HMCN1: variants seen among roughly 807,000 people sequenced by gnomAD.
HMCN1 encodes hemicentin 1, also known as hemicentin-1.
HMCN1 carries 321 observed loss-of-function variants against 625.9 expected under a neutral mutation model. That is an observed-to-expected ratio of 0.51 (90% confidence interval 0.47 to 0.56). The LOEUF (loss-of-function observed/expected upper bound fraction) is 0.56. Ranked by LOEUF, HMCN1 falls within the 20% of genes least tolerant of loss-of-function variation. The pLI is 0.00. For missense variants in HMCN1, 6,588 were observed against 6,887.3 expected, an observed-to-expected ratio of 0.96 and a Z score of 1.54; for synonymous variants, 2,425 against 2,417.6, an observed-to-expected ratio of 1.00 and a Z score of -0.09.
At position 186,123,159 on chromosome 1, in the gene HMCN1, C is replaced by A. The variant is rs1447501211; in HGVS notation, c.12438C>A (p.Tyr4146Ter). The A allele has an allele frequency of 6.2e-7, 1 of 1,614,022 alleles. No individual in the cohort carries two copies. Among genetic ancestry groups the A allele is most frequent in the Non-Finnish European group, 8.5e-7 (1 of 1,179,970 alleles). Residue 4146 changes from tyrosine (Y) to a stop codon, truncating the protein, a stop_gained, in exon 81 of 107, where the codon TAC becomes TAA. Coordinates refer to ENST00000271588, the MANE Select transcript of HMCN1 (RefSeq NM_031935.3). LOFTEE classifies it high-confidence loss of function. ...AFVQPGDAGH[Y>*]TCMAANVAGS... ...TCCAGCCTGGTGATGCTGGCCATTA[C>A]ACGTGCATGGCAGCCAATGTAGCAG...
Position 186,133,890 on chromosome 1 carries a change from C to A in HMCN1, c.13312+1481C>A, listed in dbSNP as rs1332184914. Among the ~76,000 whole-genome samples the A allele has an allele frequency of 2.2e-5, 3 of 134,730 alleles. No individual in the cohort carries two copies. In the East Asian group the frequency reaches 8.5e-4, roughly 38 times the overall value. 88.4% of individuals were successfully genotyped at this position (134,730 alleles called of 152,430 possible). On this transcript the variant is annotated intron_variant, in intron 86 of 106. Coordinates refer to ENST00000271588, the MANE Select transcript of HMCN1 (RefSeq NM_031935.3). ...TACTATGTGCTCAGCCCTCCTTAGG[C>A]ATACCAAATTTCTTTACTGCAGATT...
chr1:186,015,345 C>A lies in HMCN1; in HGVS notation c.4817C>A (p.Pro1606His). Residue 1606 changes from proline to histidine, a missense_variant, in exon 31 of 107, where the codon CCT becomes CAT. Physicochemically the swap from Pro to His is moderately conservative, Grantham distance 77. Transcript: ENST00000271588. ...YIDKGQYLHI[P>H]RAQVSDSATY... The stretch of plus-strand genomic sequence containing the variant: ...GATAAAGGACAATATCTTCATATTC[C>A]TCGAGCACAGGTCTCTGATTCAGCA... The A allele has an allele frequency of 6.2e-7, 1 of 1,613,718 alleles. No homozygotes were observed. The highest frequency in any genetic ancestry group is 8.5e-7 in the Non-Finnish European group (1 of 1,179,770).
chr1:185,854,235 C>T (rs1474429165), intron 2 of HMCN1, among the ~76,000 whole-genome samples: 2 of 152,150 alleles, frequency 1.3e-5, no homozygotes, highest in Non-Finnish European at 2.9e-5. Flanking sequence ...AATTTTTTCT[C>T]TATCCAAACT....
At chr1:186,094,137 T>A (rs1445311946) in intron 66 of HMCN1, 139 bp from the exon 67 acceptor site, 1 of 731,598 alleles carries the variant, frequency 1.4e-6, no homozygotes, top group African/African-American at 1.8e-5. Context: ...CTATATTTTG[T>A]GATGGATGGC....
chr1:186,014,322 A>G (rs553420127), intron 30 of HMCN1, among the ~76,000 whole-genome samples: 2 of 151,048 alleles, frequency 1.3e-5, no homozygotes, highest in African/African-American at 4.8e-5. Flanking sequence ...ATAAGATTAT[A>G]TATATATATA....
chr1:185,883,878 GATTT>G (rs1359066247), intron 4 of HMCN1, among the ~76,000 whole-genome samples: 5 of 93,692 alleles, frequency 5.3e-5, no homozygotes, highest in African/African-American at 2.2e-4. Context: ...TATAGGTCAT[GATTT>G]TTTTTTTTTT....
chr1:185,984,137 T>C, intron 18 of HMCN1, 32 bp from the exon 19 acceptor site: 1 of 1,594,370 alleles, frequency 6.3e-7, no homozygotes, highest in Non-Finnish European at 8.6e-7. Flanking sequence ...CCTTTCTTTT[T>C]AAATAAAAAT....
rs74134304 is a variant in HMCN1, at chr1:185,862,411, G to A, written c.340-2059G>A. On this transcript the variant is annotated intron_variant, in intron 2 of 106. Transcript: ENST00000271588. ...TATGGAAGTCGAATGAATGACCACTGATTAGATGAAAGAAGAAGGAGGAGT... is the reference window on the plus strand; with the variant it reads ...TATGGAAGTCGAATGAATGACCACTAATTAGATGAAAGAAGAAGGAGGAGT... 7.2e-3 allele frequency among the ~76,000 whole-genome samples: 1,096 copies of A among 152,146 alleles called. 14 individuals carry two copies. Among genetic ancestry groups the A allele is most frequent in the African/African-American group, 0.024 (981 of 41,530 alleles).
intron 1 of HMCN1, among the ~76,000 whole-genome samples, chr1:185,791,619 G>C (rs1373973855): frequency 2.0e-5 from 3 of 152,040 alleles, no homozygotes; most frequent in Non-Finnish European, 4.4e-5. Flanking sequence ...CTACTCAGGA[G>C]GTGGAGGCAG....
At chr1:185,784,619 T>C (rs1317110952) in intron 1 of HMCN1, among the ~76,000 whole-genome samples, 1 of 152,156 alleles carries the variant, frequency 6.6e-6, no homozygotes, top group Non-Finnish European at 1.5e-5. Context: ...TAGACAGACT[T>C]GGTGGAAATT....
intron 88 of HMCN1, 35 bp from the exon 89 acceptor site, chr1:186,137,765 AAT>A (rs1649700292): frequency 1.2e-6 from 2 of 1,613,960 alleles, no homozygotes; most frequent in Non-Finnish European, 1.7e-6. Flanking sequence ...TCCCAATTGA[AAT>A]ATACCTGATG....
At chr1:185,992,061 C>A (rs1156638997) in intron 22 of HMCN1, among the ~76,000 whole-genome samples, 1 of 152,118 alleles carries the variant, frequency 6.6e-6, no homozygotes, top group Non-Finnish European at 1.5e-5. Context: ...GTTTGTTGGC[C>A]ATTTGTGGTA....
At chr1:185,931,089 A>AT (rs751278044) in intron 10 of HMCN1, among the ~76,000 whole-genome samples, 8 of 152,124 alleles carry the variant, frequency 5.3e-5, no homozygotes, top group Non-Finnish European at 1.0e-4. Flanking sequence ...CCACCTTATC[A>AT]TTTGATAGCT....
At chr1:185,984,086 GA>G (rs1558117476) in intron 18 of HMCN1, 82 bp from the exon 19 acceptor site, 2 of 1,107,618 alleles carry the variant, frequency 1.8e-6, no homozygotes, top group Non-Finnish European at 2.6e-6. Flanking sequence ...ACCCAGTTGG[GA>G]AAAAAAGAAA....
At chr1:186,109,471 T>C (rs190152263) in intron 71 of HMCN1, among the ~76,000 whole-genome samples, 2 of 152,268 alleles carry the variant, frequency 1.3e-5, no homozygotes, top group East Asian at 3.9e-4. Context: ...CTACTGAAAA[T>C]AGGCTTTACC....
At chr1:185,760,932 T>G (rs1242133414) in intron 1 of HMCN1, among the ~76,000 whole-genome samples, 1 of 152,186 alleles carries the variant, frequency 6.6e-6, no homozygotes, top group Non-Finnish European at 1.5e-5. Context: ...TAGTACATGG[T>G]GGATCCAAGA....
intron 100 of HMCN1, among the ~76,000 whole-genome samples, chr1:186,170,072 C>T (rs987447651): frequency 2.0e-5 from 3 of 151,840 alleles, no homozygotes; most frequent in Non-Finnish European, 1.5e-5. Context: ...AAAAAAAGCT[C>T]ATCATCACTG....
intron 1 of HMCN1, among the ~76,000 whole-genome samples, chr1:185,832,059 G>T (rs528800913): frequency 6.6e-6 from 1 of 152,308 alleles, no homozygotes; most frequent in East Asian, 1.9e-4. Flanking sequence ...ACTTTGGGAG[G>T]CTGAGGCAGG....
intron 11 of HMCN1, among the ~76,000 whole-genome samples, chr1:185,959,071 C>T (rs931768322): frequency 1.3e-5 from 2 of 152,148 alleles, no homozygotes; most frequent in South Asian, 4.1e-4. Context: ...AATGAAAACA[C>T]ACAGAAATTT....
Sources: allele counts gnomAD v4.1 joint callset (sites outside exome capture counted in the v4.1 genomes callset), GRCh38; gene constraint gnomAD v4.1.1; transcripts MANE v1.5; gene names NCBI Gene and HGNC (gene_info 2026-07-23, HGNC 2026-07-21).